Variants in TMEM131L observed in about 807,000 individuals in gnomAD.
The protein encoded by TMEM131L is transmembrane 131 like.
TMEM131L carries 54 observed loss-of-function variants against 192.2 expected under a neutral mutation model. The ratio of observed to expected loss-of-function variants is 0.28; its 90% CI spans 0.23 to 0.35. TMEM131L has a LOEUF of 0.35. TMEM131L is among the 10% of genes least tolerant of loss of function. The pLI, the probability that TMEM131L is intolerant of heterozygous loss-of-function variation, is 1.00. For missense variants in TMEM131L, 1,888 were observed against 1,972.9 expected, an observed-to-expected ratio of 0.96 and a Z score of 0.82; for synonymous variants, 701 against 704.9, an observed-to-expected ratio of 0.99 and a Z score of 0.09.
intron 3 of TMEM131L, among the ~76,000 whole-genome samples, chr4:153,525,760 T>C (rs1735424521): frequency 6.6e-6 from 1 of 152,248 alleles, no homozygotes; most frequent in South Asian, 2.1e-4. Flanking sequence ...TTTTCAAATA[T>C]TAAGGCGCAC....
At chr4:153,600,217 A>G (rs1731737842) in intron 21 of TMEM131L, among the ~76,000 whole-genome samples, 1 of 152,008 alleles carries the variant, frequency 6.6e-6, no homozygotes, top group Non-Finnish European at 1.5e-5. Context: ...ATAAGAGAAA[A>G]TTAGCTAGGC....
chr4:153,620,239 C>G (rs1370417327), intron 26 of TMEM131L, among the ~76,000 whole-genome samples: 1 of 152,010 alleles, frequency 6.6e-6, no homozygotes, highest in Non-Finnish European at 1.5e-5. Flanking sequence ...TTTTCAGAAC[C>G]ACATTTTTGA....
chr4:153,536,696 T>TTGTC (rs201028265), intron 3 of TMEM131L, among the ~76,000 whole-genome samples: 3 of 151,224 alleles, frequency 2.0e-5, no homozygotes, highest in Admixed American at 2.0e-4. Context: ...GCTATCTGTC[T>TTGTC]TGTCTGTCTG....
intron 3 of TMEM131L, among the ~76,000 whole-genome samples, chr4:153,545,443 A>G (rs1737104393): frequency 6.6e-6 from 1 of 151,922 alleles, no homozygotes; most frequent in Non-Finnish European, 1.5e-5. Flanking sequence ...GCCCGCCACC[A>G]TGCCTGACTA....
At chr4:153,626,919 T>C (rs754631914) in intron 30 of TMEM131L, among the ~76,000 whole-genome samples, 23 of 152,270 alleles carry the variant, frequency 1.5e-4, no homozygotes, top group Non-Finnish European at 2.6e-4. Flanking sequence ...TTTCCAGTTC[T>C]GCCCTATGAT....
chr4:153,557,857 G>A (rs988873890), intron 6 of TMEM131L, among the ~76,000 whole-genome samples: 12 of 152,260 alleles, frequency 7.9e-5, no homozygotes, highest in East Asian at 7.7e-4. Flanking sequence ...CTGGAGTGCA[G>A]TGGTGTGATC....
In TMEM131L at chr4:153,580,835, A is replaced by G. The variant is rs1396683920; in HGVS notation, c.670A>G (p.Thr224Ala). The change falls in exon 8 of 35, where the codon ACT becomes GCT. Residue 224 changes from threonine to alanine, a missense_variant. Physicochemically the swap from Thr to Ala is moderately conservative, Grantham distance 58. Transcript: ENST00000409959. The part of the protein sequence containing the change: ...IQLSQMQAET[T>A]NTSLLQVQLE... ...TTTTTTCTTCTTTTAGGCAGAAACC[A>G]CTAATACTAGCCTCTTGCAGGTGCA... The G allele has an allele frequency of 1.2e-6, 2 of 1,610,512 alleles. No individual in the cohort carries two copies. The highest frequency in any genetic ancestry group is 1.7e-4 in the Middle Eastern group (1 of 6,056).
chr4:153,585,005 A>G (rs1730604360), intron 12 of TMEM131L, 74 bp downstream of exon 12: 1 of 1,150,528 alleles, frequency 8.7e-7, no homozygotes, highest in Admixed American at 1.7e-5. Flanking sequence ...ATGGTTTAAA[A>G]ATATAGTGAT....
intron 25 of TMEM131L, among the ~76,000 whole-genome samples, chr4:153,611,468 A>G (rs1022181967): frequency 9.2e-5 from 14 of 152,270 alleles, no homozygotes; most frequent in African/African-American, 3.4e-4. Flanking sequence ...TAAAATATAC[A>G]TCACAGAAAA....
intron 3 of TMEM131L, among the ~76,000 whole-genome samples, chr4:153,539,263 G>A (rs4466024): frequency 0.16 from 24,137 of 152,084 alleles, 2,105 homozygotes; most frequent in Middle Eastern, 0.21. Flanking sequence ...GCACACTCTA[G>A]ACTGGTTTCT....
intron 3 of TMEM131L, among the ~76,000 whole-genome samples, chr4:153,487,959 C>T (rs1732471753): frequency 7.0e-6 from 1 of 142,594 alleles, no homozygotes; most frequent in Non-Finnish European, 1.5e-5. Context: ...AGAGAGAGAC[C>T]TTTGTGGGCC....
intron 20 of TMEM131L, among the ~76,000 whole-genome samples, chr4:153,597,159 AAAAGTT>A (rs1731496368): frequency 6.6e-6 from 1 of 152,230 alleles, no homozygotes; most frequent in Non-Finnish European, 1.5e-5. Flanking sequence ...TGATACTAAA[AAAAGTT>A]AAAGTTCTTC....
chr4:153,617,536 TTCTTACTAGG>T (rs1338009956), intron 26 of TMEM131L, among the ~76,000 whole-genome samples: 1 of 152,218 alleles, frequency 6.6e-6, no homozygotes, highest in Non-Finnish European at 1.5e-5. Flanking sequence ...TGTTTTGGTT[TTCTTACTAGG>T]GAAAGGTGAG....
intron 29 of TMEM131L, among the ~76,000 whole-genome samples, chr4:153,624,991 G>A (rs1322497933): frequency 3.3e-5 from 5 of 152,144 alleles, no homozygotes; most frequent in African/African-American, 4.8e-5. Context: ...GTCTTGTCTC[G>A]CTCAGCCTTT....
At chr4:153,635,921 C>T (rs535185838) in intron 34 of TMEM131L, among the ~76,000 whole-genome samples, 2 of 152,292 alleles carry the variant, frequency 1.3e-5, no homozygotes, top group East Asian at 1.9e-4. Context: ...TTCACCGATA[C>T]GAGATGAAAG....
intron 3 of TMEM131L, among the ~76,000 whole-genome samples, chr4:153,492,345 A>C (rs1732850621): frequency 6.6e-6 from 1 of 152,190 alleles, no homozygotes; most frequent in Non-Finnish European, 1.5e-5. Context: ...CTTTAAATTA[A>C]AAATAGAGTT....
chr4:153,616,465 A>G (rs1484561119), intron 26 of TMEM131L, among the ~76,000 whole-genome samples: 2 of 152,236 alleles, frequency 1.3e-5, no homozygotes, highest in African/African-American at 4.8e-5. Flanking sequence ...ACAAAATTGT[A>G]TAAATCTGTC....
At chr4:153,513,329 C>T (rs2150088527) in intron 3 of TMEM131L, among the ~76,000 whole-genome samples, 1 of 152,288 alleles carries the variant, frequency 6.6e-6, no homozygotes, top group Non-Finnish European at 1.5e-5. Flanking sequence ...GTTCTCTACT[C>T]AGTAGGATAG....
chr4:153,617,217 T>A (rs910568521), intron 26 of TMEM131L, among the ~76,000 whole-genome samples: 1 of 152,204 alleles, frequency 6.6e-6, no homozygotes, highest in Non-Finnish European at 1.5e-5. Context: ...TCTTGTCTGC[T>A]GCCATGTGAG....
Sources: gnomAD v4.1 joint callset for allele counts (sites outside exome capture counted in the v4.1 genomes callset) on GRCh38, gnomAD v4.1.1 for gene constraint, MANE v1.5 for transcripts, NCBI Gene and HGNC (gene_info 2026-07-23, HGNC 2026-07-21) for gene names.